Variants in RNF220 observed in about 807,000 individuals in gnomAD.
RNF220 encodes the protein ring finger protein 220, also known as E3 ubiquitin-protein ligase RNF220.
RNF220 carries 7 observed loss-of-function variants against 67.1 expected under a neutral mutation model. That is an observed-to-expected ratio of 0.10 (90% CI 0.06 to 0.20). The LOEUF is 0.20. Among genes scored for constraint, RNF220 ranks in the 10% least tolerant of loss-of-function variants. RNF220 has a pLI of 1.00. For synonymous variants in RNF220, 270 were observed against 283.2 expected, an observed-to-expected ratio of 0.95 and a Z score of 0.47; for missense variants, 565 against 740.3, an observed-to-expected ratio of 0.76 and a Z score of 2.75.
chr1:44,582,522 C>T (rs184062709), intron 2 of RNF220, among the ~76,000 whole-genome samples: 20 of 152,144 alleles, frequency 1.3e-4, no homozygotes, highest in African/African-American at 3.9e-4. Context: ...GTTGGGAGGC[C>T]GAGGCAGGTG....
At chr1:44,559,503 T>C (rs576340699) in intron 2 of RNF220, among the ~76,000 whole-genome samples, 135 of 152,310 alleles carry the variant, frequency 8.9e-4, no homozygotes, top group Admixed American at 1.7e-3. Context: ...TAGACAGATA[T>C]ATAGAGATGA....
At chr1:44,582,058 C>T (rs956522853) in intron 2 of RNF220, among the ~76,000 whole-genome samples, 2 of 152,176 alleles carry the variant, frequency 1.3e-5, no homozygotes, top group African/African-American at 2.4e-5. Flanking sequence ...AGCTGCTTCT[C>T]AGATCCTTGG....
intron 2 of RNF220, among the ~76,000 whole-genome samples, chr1:44,577,450 A>G (rs1433863104): frequency 6.6e-6 from 1 of 151,702 alleles, no homozygotes; most frequent in Non-Finnish European, 1.5e-5. Flanking sequence ...GACCACCTCA[A>G]CCTTAGTGCC....
chr1:44,606,818 GAC>G lies in RNF220; in HGVS notation c.626-7343_626-7342del, dbSNP rs1667301560. Among the ~76,000 whole-genome samples, 1 of 152,094 alleles carries G rather than the reference GAC, an allele frequency of 6.6e-6. No individual in the cohort carries two copies. Among genetic ancestry groups the G allele is most frequent in the South Asian group, 2.1e-4 (1 of 4,828 alleles). On this transcript the variant is annotated intron_variant, in intron 2 of 14. Transcript: ENST00000361799. This position sits in a 1 kb window ranked among gnomAD's most constrained non-coding sequence, Gnocchi z 4.2. ...GCCAGACATTGTTCCAGGCACAGAG[GAC>G]ACAGTGGTGAGCTTCGGTGCTCTAT...
At chr1:44,485,631 T>C (rs1344306990) in intron 2 of RNF220, among the ~76,000 whole-genome samples, 1 of 152,232 alleles carries the variant, frequency 6.6e-6, no homozygotes, top group Non-Finnish European at 1.5e-5. Flanking sequence ...TCAGTGTCAC[T>C]GCGGTGACTC....
chr1:44,468,445 A>G (rs867620273), intron 2 of RNF220, among the ~76,000 whole-genome samples: 4 of 152,210 alleles, frequency 2.6e-5, no homozygotes, highest in Admixed American at 6.5e-5. Flanking sequence ...TGTTGTAGGA[A>G]GATAAACAGC....
intron 2 of RNF220, among the ~76,000 whole-genome samples, chr1:44,486,505 C>T (rs762593969): frequency 6.6e-6 from 1 of 152,184 alleles, no homozygotes; most frequent in Non-Finnish European, 1.5e-5. Flanking sequence ...CTAGTGAGAG[C>T]TTAAACCAAC....
chr1:44,493,371 A>C (rs1218398541), intron 2 of RNF220, among the ~76,000 whole-genome samples: 3 of 151,980 alleles, frequency 2.0e-5, no homozygotes, highest in Non-Finnish European at 4.4e-5. Flanking sequence ...AAAATTAGCC[A>C]GGCATGGTGG....
chr1:44,552,526 CAAA>C, intron 2 of RNF220, among the ~76,000 whole-genome samples: 1 of 143,802 alleles, frequency 7.0e-6, no homozygotes, highest in Middle Eastern at 3.6e-3. Flanking sequence ...ACAACAACAA[CAAA>C]AACCCATCAA....
chr1:44,455,954 A>C (rs1356860083), intron 2 of RNF220, among the ~76,000 whole-genome samples: 1 of 152,166 alleles, frequency 6.6e-6, no homozygotes, highest in Non-Finnish European at 1.5e-5. Context: ...AGGGAGTGTA[A>C]GCTTTGGGGT....
At position 44,564,909 on chromosome 1, in the gene RNF220, T is replaced by C. The variant is rs78770693; in HGVS notation, c.626-49256T>C. On this transcript the variant is annotated intron_variant, in intron 2 of 14. Transcript: ENST00000361799. ...CTTGTCTGCCCCTTAGATTGTAAGTTCCTTTAGAAAAGGGACGATACCTGA... is the reference window on the plus strand; with the variant it reads ...CTTGTCTGCCCCTTAGATTGTAAGTCCCTTTAGAAAAGGGACGATACCTGA... Among the ~76,000 whole-genome samples, 1,124 of 132,296 alleles carry C rather than the reference T, an allele frequency of 8.5e-3. 8 individuals are homozygous for C. Among genetic ancestry groups the C allele is most frequent in the African/African-American group, 0.028 (1,053 of 37,420 alleles). 86.8% of individuals were successfully genotyped at this position (132,296 alleles called of 152,430 possible).
chr1:44,591,309 G>T (rs567705498), intron 2 of RNF220, among the ~76,000 whole-genome samples: 6 of 152,362 alleles, frequency 3.9e-5, no homozygotes, highest in African/African-American at 1.2e-4. Flanking sequence ...GTGGGACCAA[G>T]ACAATGGTGT....
chr1:44,429,913 T>C (rs535613972), intron 2 of RNF220, among the ~76,000 whole-genome samples: 4 of 152,346 alleles, frequency 2.6e-5, no homozygotes, highest in Non-Finnish European at 4.4e-5. Flanking sequence ...TGTATGTTCT[T>C]TATAATGTTG....
chr1:44,594,270 C>G (rs143305397), intron 2 of RNF220, among the ~76,000 whole-genome samples: 9 of 152,168 alleles, frequency 5.9e-5, no homozygotes, highest in East Asian at 3.9e-4. Flanking sequence ...TTGCCTCCCC[C>G]CCTCCCTCCT....
intron 2 of RNF220, among the ~76,000 whole-genome samples, chr1:44,574,966 AT>A (rs1664704013): frequency 6.6e-6 from 1 of 152,146 alleles, no homozygotes; most frequent in Non-Finnish European, 1.5e-5. Flanking sequence ...AAATCAGGGT[AT>A]TTAGGGTTTC....
intron 2 of RNF220, among the ~76,000 whole-genome samples, chr1:44,613,920 C>T (rs1643426909): frequency 6.6e-6 from 1 of 152,090 alleles, no homozygotes; most frequent in Non-Finnish European, 1.5e-5. Flanking sequence ...ATAGACATCC[C>T]ATGGGGGATG....
At chr1:44,443,874 T>G (rs1651807034) in intron 2 of RNF220, among the ~76,000 whole-genome samples, 1 of 152,168 alleles carries the variant, frequency 6.6e-6, no homozygotes, top group Non-Finnish European at 1.5e-5. Context: ...GCGGATCGCC[T>G]GAGGTCAGGA....
chr1:44,556,399 C>T (rs1663081923), intron 2 of RNF220, among the ~76,000 whole-genome samples: 1 of 150,622 alleles, frequency 6.6e-6, no homozygotes, highest in Non-Finnish European at 1.5e-5. Flanking sequence ...GCACATCAAA[C>T]ATGCTCCCTA....
At chr1:44,564,619 G>A (rs1425711734) in intron 2 of RNF220, among the ~76,000 whole-genome samples, 1 of 152,038 alleles carries the variant, frequency 6.6e-6, no homozygotes, top group Non-Finnish European at 1.5e-5. Context: ...CGCAGGCAGT[G>A]GCATGCATCT....
Sources: gnomAD v4.1 joint callset for allele counts (sites outside exome capture counted in the v4.1 genomes callset) on GRCh38, gnomAD v4.1.1 for gene constraint, Gnocchi (gnomAD v3.1) non-coding constraint, MANE v1.5 for transcripts, NCBI Gene and HGNC (gene_info 2026-07-23, HGNC 2026-07-21) for gene names.